The following PCGF5 variants were observed in gnomAD, a reference collection of about 807,000 sequenced individuals.
PCGF5 encodes the protein polycomb group ring finger 5.
In PCGF5, 9 loss-of-function variants were observed where a neutral mutation model predicts 44.3. The observed-to-expected ratio is 0.20, with a 90% confidence interval of 0.12 to 0.35. PCGF5 has a LOEUF of 0.35. Among genes scored for constraint, PCGF5 ranks in the 10% least tolerant of loss-of-function variants. PCGF5 has a pLI of 1.00. For missense variants in PCGF5, 146 were observed against 305.3 expected, an observed-to-expected ratio of 0.48 and a Z score of 3.89; for synonymous variants, 95 against 102.5, an observed-to-expected ratio of 0.93 and a Z score of 0.44.
chr10:91,245,290 A>G (rs182922173), intron 3 of PCGF5, among the ~76,000 whole-genome samples: 193 of 152,280 alleles, frequency 1.3e-3, no homozygotes, highest in Middle Eastern at 3.4e-3. Flanking sequence ...AGTAAGGTGA[A>G]AACTGAGAAT....
intron 1 of PCGF5, among the ~76,000 whole-genome samples, chr10:91,185,075 A>C (rs1359924177): frequency 2.6e-5 from 4 of 152,174 alleles, no homozygotes; most frequent in Non-Finnish European, 5.9e-5. Flanking sequence ...CTCTGCCCCC[A>C]GTTGGCTTGG....
At chr10:91,173,481 A>G (rs567903516) in intron 1 of PCGF5, among the ~76,000 whole-genome samples, 60 of 152,084 alleles carry the variant, frequency 3.9e-4, no homozygotes, top group Non-Finnish European at 6.6e-4. Context: ...TTAAAAAGTG[A>G]ACATCCATGT....
upstream of PCGF5, among the ~76,000 whole-genome samples, chr10:91,217,383 T>C (rs966316647): frequency 6.6e-6 from 1 of 152,208 alleles, no homozygotes; most frequent in Non-Finnish European, 1.5e-5. Flanking sequence ...TATAACCACA[T>C]TTTTCAATCA....
rs541410335 is a variant in PCGF5 at position 91,221,812 on chromosome 10, G to A, written c.-183-877G>A. 4.0e-5 allele frequency among the ~76,000 whole-genome samples: 6 copies of A among 151,664 alleles called. No individual in the cohort carries two copies. In the East Asian group the frequency reaches 1.2e-3, roughly 29 times the overall value. On this transcript the variant is annotated intron_variant, in intron 1 of 9. Coordinates refer to ENST00000336126, the MANE Select transcript of PCGF5 (RefSeq NM_032373.5). ...GACCAGTTTCTATTGAAGAGTTTTT[G>A]GTCTAACAAAGAAGGTAAAGAATGA...
intron 6 of PCGF5, among the ~76,000 whole-genome samples, chr10:91,253,922 G>A (rs1050215275): frequency 3.3e-5 from 5 of 151,952 alleles, no homozygotes; most frequent in South Asian, 2.1e-4. Context: ...TAAATGAATG[G>A]GCTTGGTTGT....
intron 8 of PCGF5, among the ~76,000 whole-genome samples, chr10:91,266,863 T>G (rs1846058309): frequency 6.6e-6 from 1 of 152,094 alleles, no homozygotes; most frequent in African/African-American, 2.4e-5. Flanking sequence ...CTACATCCAC[T>G]TCACTACTAG....
rs1011751997 is a variant in PCGF5, at chr10:91,227,271, G to A, written c.112+4288G>A. ...TTTCCTGTGTGAACTCATGTATTCT[G>A]AGACTTCAGCTACCTGTGCTGAGGC... is the stretch of plus-strand genomic sequence containing the variant. On this transcript the variant is annotated intron_variant, in intron 2 of 9. Transcript: ENST00000336126. The A allele has an allele frequency of 8.2e-6, 4 of 486,254 alleles. No homozygotes were observed. In the Admixed American group the frequency reaches 9.7e-5, roughly 12 times the overall value. The allele number at this position is 486,254 out of a possible 1,614,324, so 30.1% of individuals were successfully genotyped here.
At chr10:91,164,611 CAGATCCT>C (rs1843464380) in intron 1 of PCGF5, among the ~76,000 whole-genome samples, 2 of 152,280 alleles carry the variant, frequency 1.3e-5, no homozygotes, top group Middle Eastern at 3.4e-3. Flanking sequence ...TTTAAAAAGC[CAGATCCT>C]AAAAGGAACC....
chr10:91,165,131 TTTC>T (rs1200917512), intron 1 of PCGF5, among the ~76,000 whole-genome samples: 1 of 152,234 alleles, frequency 6.6e-6, no homozygotes, highest in Non-Finnish European at 1.5e-5. Flanking sequence ...CAGTTCTAAT[TTTC>T]TTCTTTTTCC....
At chr10:91,205,814 ACCCTATC>A (rs1257205070) in intron 1 of PCGF5, among the ~76,000 whole-genome samples, 1 of 152,096 alleles carries the variant, frequency 6.6e-6, no homozygotes, top group East Asian at 1.9e-4. Flanking sequence ...ACATGGCAAA[ACCCTATC>A]TCTGCTAAAA....
At chr10:91,229,102 G>A (rs1844931995) in intron 2 of PCGF5, among the ~76,000 whole-genome samples, 1 of 152,188 alleles carries the variant, frequency 6.6e-6, no homozygotes, top group Admixed American at 6.5e-5. Context: ...GAGGCATCAT[G>A]AGCTTTACAT....
At chr10:91,270,540 C>T (rs936708469) in intron 8 of PCGF5, among the ~76,000 whole-genome samples, 14 of 152,036 alleles carry the variant, frequency 9.2e-5, no homozygotes, top group African/African-American at 3.4e-4. Context: ...GAGCTGAGCC[C>T]GCCTTACAGC....
chr10:91,243,409 A>G (rs1845379430), intron 3 of PCGF5, among the ~76,000 whole-genome samples: 1 of 152,242 alleles, frequency 6.6e-6, no homozygotes, highest in Non-Finnish European at 1.5e-5. Flanking sequence ...AGGCTCCTTC[A>G]TTAGAAGCCT....
chr10:91,186,011 AG>A, intron 1 of PCGF5, among the ~76,000 whole-genome samples: 1 of 152,098 alleles, frequency 6.6e-6, no homozygotes, highest in Non-Finnish European at 1.5e-5. Context: ...GCTTCTAGTC[AG>A]CCATCTTGGT....
intron 5 of PCGF5, among the ~76,000 whole-genome samples, chr10:91,249,412 T>C (rs7086278): frequency 0.21 from 17,456 of 81,470 alleles, 2,196 homozygotes; most frequent in African/African-American, 0.42. Flanking sequence ...TATATATATA[T>C]ATATATATGT....
intron 1 of PCGF5, among the ~76,000 whole-genome samples, chr10:91,166,602 AT>A (rs1843505631): frequency 6.6e-6 from 1 of 152,092 alleles, no homozygotes; most frequent in Admixed American, 6.5e-5. Context: ...TGGTATAATT[AT>A]TTACTGGAGA....
intron 2 of PCGF5, among the ~76,000 whole-genome samples, chr10:91,232,883 A>G (rs1476378109): frequency 6.6e-6 from 1 of 152,194 alleles, no homozygotes; most frequent in African/African-American, 2.4e-5. Flanking sequence ...GGCATTGAGT[A>G]TGACAGCCTG....
At chr10:91,248,797 A>C in intron 5 of PCGF5, 73 bp downstream of exon 5, 3 of 1,240,778 alleles carry the variant, frequency 2.4e-6, no homozygotes, top group Admixed American at 4.2e-5. Context: ...AGGTGAACTA[A>C]TATGTCTCTT....
At chr10:91,270,488 G>C (rs939821259) in intron 8 of PCGF5, among the ~76,000 whole-genome samples, 2 of 152,122 alleles carry the variant, frequency 1.3e-5, no homozygotes, top group Non-Finnish European at 2.9e-5. Flanking sequence ...CAGAGCTTGG[G>C]GACTCTTTGG....
Sources: allele counts gnomAD v4.1 joint callset (sites outside exome capture counted in the v4.1 genomes callset), GRCh38; gene constraint gnomAD v4.1.1; transcripts MANE v1.5; gene names NCBI Gene and HGNC (gene_info 2026-07-23, HGNC 2026-07-21).